AUTS2: variants seen among roughly 807,000 people sequenced by gnomAD.
The protein encoded by AUTS2 is activator of transcription and developmental regulator AUTS2.
A neutral mutation model predicts 112.4 loss-of-function variants in AUTS2; 17 were observed. The ratio of observed to expected loss-of-function variants is 0.15; its 90% CI spans 0.10 to 0.23. The LOEUF is 0.23. Ranked by LOEUF, AUTS2 falls within the 10% of genes least tolerant of loss-of-function variation. The pLI, the probability that AUTS2 is intolerant of heterozygous loss-of-function variation, is 1.00. For missense variants in AUTS2, 1,510 were observed against 1,701.6 expected (o/e 0.89, Z 1.98); for synonymous variants, 751 against 702.7 (o/e 1.07, Z -1.09).
chr7:70,417,895 C>A (rs1375465279), intron 4 of AUTS2, among the ~76,000 whole-genome samples: 1 of 152,182 alleles, frequency 6.6e-6, no homozygotes, highest in African/African-American at 2.4e-5. Flanking sequence ...GGCAGAAACA[C>A]TGGGCCCTCA....
At chr7:70,130,694 A>AC (rs966118618) in intron 3 of AUTS2, among the ~76,000 whole-genome samples, 49 of 152,146 alleles carry the variant, frequency 3.2e-4, no homozygotes, top group African/African-American at 1.1e-3. Flanking sequence ...TGAAAAAAAA[A>AC]AATCCAGCAG....
chr7:70,092,500 A>T (rs912470967), intron 2 of AUTS2, among the ~76,000 whole-genome samples: 7 of 152,140 alleles, frequency 4.6e-5, no homozygotes, highest in Non-Finnish European at 1.0e-4. Context: ...AAATGGCAAT[A>T]AAAAAGAGAA....
intron 4 of AUTS2, among the ~76,000 whole-genome samples, chr7:70,157,924 C>T (rs1171047412): frequency 6.6e-6 from 1 of 152,174 alleles, no homozygotes; most frequent in African/African-American, 2.4e-5. Flanking sequence ...CAGACAATTA[C>T]AATGTGAGTG....
In AUTS2 at chr7:70,766,002, C is replaced by A. The variant is rs1406947500; in HGVS notation, c.1469-112C>A. The A allele has an allele frequency of 4.0e-6, 6 of 1,494,204 alleles. No homozygotes were observed. The highest frequency in any genetic ancestry group is 5.4e-6 in the Non-Finnish European group (6 of 1,120,964). The allele number at this position is 1,494,204 out of a possible 1,614,324, so 92.6% of individuals were successfully genotyped here. A position where few individuals can be genotyped will look rare whatever the true frequency, so the allele number is the denominator to read the frequency against. On this transcript the variant is annotated intron_variant, in intron 8 of 18. Transcript: ENST00000342771. This position sits in a 1 kb window ranked among gnomAD's most constrained non-coding sequence, Gnocchi z 4.8. ...CCGTTTATCTCAGGGCCCAGCCACA[C>A]CCTGTCACCCCTGCCACTGTGTCAC... is the stretch of plus-strand genomic sequence containing the variant.
intron 6 of AUTS2, among the ~76,000 whole-genome samples, chr7:70,701,764 G>A (rs1006091071): frequency 2.6e-5 from 4 of 152,110 alleles, no homozygotes; most frequent in African/African-American, 9.7e-5. Context: ...TTTAATCAAG[G>A]TCATAGTTGC....
intron 6 of AUTS2, among the ~76,000 whole-genome samples, chr7:70,706,428 G>A (rs2129548381): frequency 6.6e-6 from 1 of 152,332 alleles, no homozygotes; most frequent in East Asian, 1.9e-4. Context: ...AGGAGCAGAA[G>A]AGAAGAGGGA....
chr7:70,112,564 A>G (rs1805140830), intron 2 of AUTS2, among the ~76,000 whole-genome samples: 1 of 151,860 alleles, frequency 6.6e-6, no homozygotes, highest in South Asian at 2.1e-4. Flanking sequence ...GCTTTCTTTT[A>G]TTATTTAGAA....
At chr7:70,057,025 A>G (rs1167118617) in intron 2 of AUTS2, among the ~76,000 whole-genome samples, 1 of 152,188 alleles carries the variant, frequency 6.6e-6, no homozygotes, top group Non-Finnish European at 1.5e-5. Context: ...TCCTGTTTCA[A>G]ATGCCTTTGC....
chr7:69,783,322 A>G (rs1472402386), intron 1 of AUTS2, among the ~76,000 whole-genome samples: 1 of 151,980 alleles, frequency 6.6e-6, no homozygotes, highest in African/African-American at 2.4e-5. Flanking sequence ...CAGGCCCACG[A>G]TGATTTTAGG....
chr7:70,016,560 G>A (rs1220305020), intron 2 of AUTS2, among the ~76,000 whole-genome samples: 1 of 151,994 alleles, frequency 6.6e-6, no homozygotes, highest in Non-Finnish European at 1.5e-5. Flanking sequence ...GACTGGAGCA[G>A]TTTGTCTTGT....
chr7:70,241,642 T>C (rs1812618772), intron 4 of AUTS2, among the ~76,000 whole-genome samples: 1 of 152,168 alleles, frequency 6.6e-6, no homozygotes, highest in South Asian at 2.1e-4. Context: ...AATTCCTTAA[T>C]AAGTCCCAAA....
At chr7:70,242,995 C>A (rs1483923097) in intron 4 of AUTS2, among the ~76,000 whole-genome samples, 1 of 152,134 alleles carries the variant, frequency 6.6e-6, no homozygotes, top group African/African-American at 2.4e-5. Context: ...TTCAGCATTA[C>A]TATTCTTGCC....
In AUTS2 at chr7:69,619,029, G is replaced by A. The variant is rs373216175; in HGVS notation, c.309+19067G>A. On this transcript the variant is annotated intron_variant, in intron 1 of 18. Transcript: ENST00000342771. Reference sequence around the variant, plus strand: ...ATCATGCAGTCAGGGTAAGAGACCTGCTGTTTGGAGGGTTGTGTTTGGTTT... The same window carrying A: ...ATCATGCAGTCAGGGTAAGAGACCTACTGTTTGGAGGGTTGTGTTTGGTTT... Among the ~76,000 whole-genome samples, 18 of 152,310 alleles carry A rather than the reference G, an allele frequency of 1.2e-4. No individual in the cohort carries two copies. In the South Asian group the frequency reaches 3.7e-3, roughly 32 times the overall value.
intron 2 of AUTS2, among the ~76,000 whole-genome samples, chr7:70,017,228 A>G (rs1202586476): frequency 2.6e-5 from 4 of 152,204 alleles, no homozygotes; most frequent in Middle Eastern, 3.2e-3. Context: ...GCCAAAGTGA[A>G]TGCACATTTT....
intron 5 of AUTS2, among the ~76,000 whole-genome samples, chr7:70,612,738 A>G (rs1165594270): frequency 6.6e-6 from 1 of 152,130 alleles, no homozygotes; most frequent in Non-Finnish European, 1.5e-5. Context: ...AAATGAGATC[A>G]TGTCATAAGC....
intron 5 of AUTS2, among the ~76,000 whole-genome samples, chr7:70,528,300 A>G (rs1799940978): frequency 6.6e-6 from 1 of 151,998 alleles, no homozygotes; most frequent in African/African-American, 2.4e-5. Flanking sequence ...AATAAAAAAA[A>G]AACCCAGGTA....
intron 2 of AUTS2, among the ~76,000 whole-genome samples, chr7:70,113,022 A>G (rs1280440616): frequency 6.6e-6 from 1 of 152,070 alleles, no homozygotes; most frequent in Non-Finnish European, 1.5e-5. Context: ...TAGCTTCAAG[A>G]TTATCAAATT....
At chr7:69,697,268 A>G (rs1193461298) in intron 1 of AUTS2, among the ~76,000 whole-genome samples, 2 of 152,228 alleles carry the variant, frequency 1.3e-5, no homozygotes, top group Non-Finnish European at 2.9e-5. Flanking sequence ...GCCAAGGGCA[A>G]ATGAACTGAA....
chr7:70,725,322 G>A (rs1786963802), intron 6 of AUTS2, among the ~76,000 whole-genome samples: 1 of 152,138 alleles, frequency 6.6e-6, no homozygotes, highest in Admixed American at 6.5e-5. Flanking sequence ...TCAACTTGGA[G>A]CATTCATTGG....
Sources: allele counts gnomAD v4.1 joint callset (sites outside exome capture counted in the v4.1 genomes callset), GRCh38; gene constraint gnomAD v4.1.1; non-coding constraint Gnocchi (gnomAD v3.1); transcripts MANE v1.5; gene names NCBI Gene and HGNC (gene_info 2026-07-23, HGNC 2026-07-21).